ROCK2: variants seen among roughly 807,000 people sequenced by gnomAD.
ROCK2 encodes Rho associated coiled-coil containing protein kinase 2, also known as rho-associated protein kinase 2.
In ROCK2, 61 loss-of-function variants were observed where a neutral mutation model predicts 195.1. The observed-to-expected ratio is 0.31, with a 90% CI of 0.25 to 0.39. The LOEUF is 0.39. Ranked by LOEUF, ROCK2 falls within the 10% of genes least tolerant of loss-of-function variation. The pLI is 1.00. For missense variants in ROCK2, 1,109 were observed against 1,637.4 expected (o/e 0.68, Z 5.57); for synonymous variants, 504 against 545.5 (o/e 0.92, Z 1.06).
At chr2:11,195,428 G>A (rs1005256896) in intron 27 of ROCK2, among the ~76,000 whole-genome samples, 1 of 151,918 alleles carries the variant, frequency 6.6e-6, no homozygotes. Flanking sequence ...CATTTTCAAG[G>A]AGTAAATATT....
chr2:11,335,108 TACAC>T (rs59721285), intron 1 of ROCK2, among the ~76,000 whole-genome samples: 20,257 of 144,922 alleles, frequency 0.14, 1,519 homozygotes, highest in African/African-American at 0.19. Context: ...CTTTGACTGA[TACAC>T]ACACACACAC....
intron 1 of ROCK2, among the ~76,000 whole-genome samples, chr2:11,298,445 G>C (rs1667602447): frequency 9.1e-6 from 1 of 109,418 alleles, no homozygotes; most frequent in South Asian, 3.2e-4. Context: ...ACTCCAGCCT[G>C]AACAACAGAG....
At chr2:11,317,578 A>T (rs867642577) in intron 1 of ROCK2, among the ~76,000 whole-genome samples, 435 of 16,410 alleles carry the variant, frequency 0.027, 6 homozygotes, top group African/African-American at 0.083. Flanking sequence ...CTACACATTT[A>T]TATATATATA....
chr2:11,263,751 T>G (rs1162155871), intron 3 of ROCK2, among the ~76,000 whole-genome samples: 2 of 147,970 alleles, frequency 1.4e-5, no homozygotes, highest in Non-Finnish European at 3.0e-5. Context: ...GGGTTAAAGT[T>G]TTTTTTTTTT....
chr2:11,315,604 T>A (rs547120650), intron 1 of ROCK2, among the ~76,000 whole-genome samples: 113 of 152,228 alleles, frequency 7.4e-4, no homozygotes, highest in African/African-American at 2.6e-3. Flanking sequence ...AACATATCCA[T>A]AATTTTTTTC....
At chr2:11,233,492 T>C (rs769591663) in intron 5 of ROCK2, among the ~76,000 whole-genome samples, 13 of 152,150 alleles carry the variant, frequency 8.5e-5, no homozygotes, top group Admixed American at 2.0e-4. Flanking sequence ...TTCACTTCTA[T>C]GTTTATATTT....
At position 11,215,527 on chromosome 2, in the gene ROCK2, C is replaced by T. The variant is rs772811025; in HGVS notation, c.1580G>A (p.Arg527Gln). The change falls in exon 14 of 33, where the codon CGA becomes CAA. Residue 527 changes from arginine (R) to glutamine (Q), a missense_variant. Physicochemically the swap from Arg to Gln is conservative, Grantham distance 43. Transcript: ENST00000315872. ...RKADHEADKK[R>Q]NLENDVNSLK... is the part of the protein sequence containing the mutation. ...CCACAAACCATCATTTTCCAAATTT[C>T]GTTTTTTGTCTGCTTCATGATCAGC... 1.2e-5 allele frequency: 19 copies of T among 1,610,898 alleles called. No individual in the cohort carries two copies. Among genetic ancestry groups the T allele is most frequent in the East Asian group, 2.2e-5 (1 of 44,792 alleles).
In ROCK2 at chr2:11,201,234, T is replaced by G; in HGVS notation, c.2723+76A>C. The G allele has an allele frequency of 2.0e-6, 3 of 1,517,738 alleles. No homozygotes were observed. Among genetic ancestry groups the G allele is most frequent in the Non-Finnish European group, 2.7e-6 (3 of 1,110,978 alleles). 94.0% of individuals were successfully genotyped at this position (1,517,738 alleles called of 1,614,324 possible). The stretch of plus-strand genomic sequence containing the variant: ...ATTCACTTCATCAATAATTTTTTAT[T>G]TGGTGATTACCAGGCATTGTTCTAG... On this transcript the variant is annotated intron_variant, in intron 22 of 32. Transcript: ENST00000315872. The surrounding 1 kb of genome is among the most constrained non-coding windows in gnomAD (Gnocchi z 4.6).
chr2:11,317,133 G>A (rs1572399803), intron 1 of ROCK2, among the ~76,000 whole-genome samples: 1 of 152,006 alleles, frequency 6.6e-6, no homozygotes, highest in Non-Finnish European at 1.5e-5. Flanking sequence ...CTTTTCCTGC[G>A]AATGAGGCCA....
Position 11,287,496 on chromosome 2 carries a change from AAG to A in ROCK2, c.223+157_223+158del, listed in dbSNP as rs545040382. Among the ~76,000 whole-genome samples the A allele has an allele frequency of 1.6e-4, 25 of 152,318 alleles. No homozygotes were observed. In the South Asian group the frequency reaches 4.8e-3, roughly 29 times the overall value. Reference sequence around the variant, plus strand: ...GGTTCTGCAATTGCTTTAAAAATAAAAGTAACAATTTTTGAATAAATCAAATG... The same window carrying A: ...GGTTCTGCAATTGCTTTAAAAATAAATAACAATTTTTGAATAAATCAAATG... On this transcript the variant is annotated intron_variant, in intron 2 of 32. Transcript: ENST00000315872.
intron 4 of ROCK2, among the ~76,000 whole-genome samples, chr2:11,239,514 A>C (rs1256266372): frequency 6.6e-6 from 1 of 152,240 alleles, no homozygotes; most frequent in African/African-American, 2.4e-5. Context: ...CAAGGATTCC[A>C]CGCCTATGTA....
chr2:11,332,407 T>G (rs1426516025), intron 1 of ROCK2, among the ~76,000 whole-genome samples: 1 of 152,164 alleles, frequency 6.6e-6, no homozygotes, highest in Non-Finnish European at 1.5e-5. Context: ...ACCAGTTGAT[T>G]ACCGTATTAT....
chr2:11,287,314 T>C (rs1322286812), intron 2 of ROCK2, among the ~76,000 whole-genome samples: 1 of 152,186 alleles, frequency 6.6e-6, no homozygotes, highest in South Asian at 2.1e-4. Flanking sequence ...ATTACAGAAG[T>C]ATAAAGCTTA....
intron 32 of ROCK2, among the ~76,000 whole-genome samples, chr2:11,184,062 A>G (rs1228168536): frequency 6.6e-6 from 1 of 152,212 alleles, no homozygotes; most frequent in Non-Finnish European, 1.5e-5. Flanking sequence ...TCCTTTAGCC[A>G]CTATTAACCA....
At chr2:11,273,520 A>C (rs1666721278) in intron 3 of ROCK2, among the ~76,000 whole-genome samples, 1 of 152,234 alleles carries the variant, frequency 6.6e-6, no homozygotes, top group South Asian at 2.1e-4. Flanking sequence ...AACAGAACTG[A>C]GGGAGAAATA....
intron 5 of ROCK2, among the ~76,000 whole-genome samples, chr2:11,232,938 GCA>G (rs1289645417): frequency 6.6e-6 from 1 of 152,154 alleles, no homozygotes; most frequent in Admixed American, 6.5e-5. Flanking sequence ...AACTGGTCAG[GCA>G]CAGTGCCTCA....
intron 1 of ROCK2, among the ~76,000 whole-genome samples, chr2:11,330,025 G>T (rs761846605): frequency 6.6e-6 from 1 of 152,070 alleles, no homozygotes; most frequent in Non-Finnish European, 1.5e-5. Context: ...GGAGCATCTT[G>T]TACAACACTG....
intron 4 of ROCK2, among the ~76,000 whole-genome samples, chr2:11,238,978 T>C (rs75072161): frequency 6.7e-6 from 1 of 149,542 alleles, no homozygotes; most frequent in Non-Finnish European, 1.5e-5. Context: ...AGGGAAAAAA[T>C]AATTAAAAAA....
intron 3 of ROCK2, among the ~76,000 whole-genome samples, chr2:11,250,654 G>C (rs1437045048): frequency 1.3e-5 from 2 of 152,058 alleles, no homozygotes; most frequent in Non-Finnish European, 2.9e-5. Context: ...CATCCTTCTA[G>C]TTGCTCTAGC....
Sources: gnomAD v4.1 joint callset for allele counts (sites outside exome capture counted in the v4.1 genomes callset) on GRCh38, gnomAD v4.1.1 for gene constraint, Gnocchi (gnomAD v3.1) non-coding constraint, MANE v1.5 for transcripts, NCBI Gene and HGNC (gene_info 2026-07-23, HGNC 2026-07-21) for gene names.